TRDN: variants seen among roughly 807,000 people sequenced by gnomAD.
TRDN encodes the protein triadin in skeletal muscle.
TRDN carries 161 observed loss-of-function variants against 149.7 expected under a neutral mutation model. The ratio of observed to expected loss-of-function variants is 1.08; its 90% CI spans 0.95 to 1.23. TRDN has a LOEUF of 1.23. TRDN is among the 50% of genes most tolerant of loss of function. The pLI is 0.00. For synonymous variants in TRDN, 294 were observed against 250.5 expected, an observed-to-expected ratio of 1.17 and a Z score of -1.64; for missense variants, 896 against 823.5, an observed-to-expected ratio of 1.09 and a Z score of -1.08.
chr6:123,322,816 T>G (rs372545917), intron 23 of TRDN, among the ~76,000 whole-genome samples: 6 of 151,900 alleles, frequency 3.9e-5, no homozygotes, highest in African/African-American at 1.4e-4. Context: ...AATTTTTGTA[T>G]TTTTAGTAGA....
At chr6:123,519,489 TTTA>T (rs373168666) in intron 5 of TRDN, among the ~76,000 whole-genome samples, 30,177 of 103,414 alleles carry the variant, frequency 0.29, 3,651 homozygotes, top group East Asian at 0.63. Flanking sequence ...TTTTTTTTTT[TTTA>T]AACAGGGAAA....
rs369198088 is a variant in TRDN at position 123,393,624 on chromosome 6, C to A, written c.1105G>T (p.Ala369Ser). Residue 369 changes from alanine to serine, a missense_variant and splice_region_variant, in exon 13 of 41, where the codon GCA becomes TCA. Ala to Ser is a moderately conservative substitution (Grantham distance 99, BLOSUM62 1). Coordinates refer to ENST00000334268, the MANE Select transcript of TRDN (RefSeq NM_006073.4). ...CTTTTTAAAGTGTTTTATTGCTTAC[C>A]TTGTGCTGCAATTTTTACAGTCCCT... ...KQGTVKIAAQ[A>S]AAKKDEKKED... 6.2e-7 allele frequency: 1 copy of A among 1,602,296 alleles called. No homozygotes were observed. The highest frequency in any genetic ancestry group is 8.5e-7 in the Non-Finnish European group (1 of 1,173,472).
chr6:123,277,926 GA>G (rs2114625232), intron 26 of TRDN, among the ~76,000 whole-genome samples: 1 of 152,228 alleles, frequency 6.6e-6, no homozygotes, highest in South Asian at 2.1e-4. Context: ...GTGTTCTTTT[GA>G]AAAAGTTTCT....
Position 123,257,334 on chromosome 6 carries a change from T to C in TRDN, c.1871-1432A>G, listed in dbSNP as rs893990963. On this transcript the variant is annotated intron_variant, in intron 35 of 40. Transcript: ENST00000334268. ...TTTTGTATAAGGCATAAGGAAGGTG[T>C]CCAGTTTCTGTTTTCTGCATATGGC... Among the ~76,000 whole-genome samples, 19 of 152,270 alleles carry C rather than the reference T, an allele frequency of 1.2e-4. 1 individual carries two copies. Among genetic ancestry groups the C allele is most frequent in the Middle Eastern group, 3.4e-3 (1 of 294 alleles).
rs377580390 is a variant in TRDN at position 123,373,875 on chromosome 6, T to C, written c.1273+1730A>G. The stretch of plus-strand genomic sequence containing the variant: ...TATGGATAATTTAAAGGCTTTTCAA[T>C]GGTATCTATAATGATATGTAATTTT... On this transcript the variant is annotated intron_variant, in intron 19 of 40. Coordinates refer to ENST00000334268, the MANE Select transcript of TRDN (RefSeq NM_006073.4). 2.0e-5 allele frequency among the ~76,000 whole-genome samples: 3 copies of C among 152,300 alleles called. No individual in the cohort carries two copies. In the East Asian group the frequency reaches 5.8e-4, roughly 29 times the overall value.
At chr6:123,586,085 G>T (rs1219239408) in intron 1 of TRDN, among the ~76,000 whole-genome samples, 8 of 152,146 alleles carry the variant, frequency 5.3e-5, no homozygotes, top group African/African-American at 1.9e-4. Context: ...CATGAACTGG[G>T]CTGGGTTTTT....
At chr6:123,498,677 G>A (rs1406502591) in intron 8 of TRDN, 1 of 461,640 alleles carries the variant, frequency 2.2e-6, no homozygotes. Context: ...GGTTAAGGTA[G>A]AAGGTATTTT....
rs1458649077 is a variant in TRDN, at chr6:123,351,963, C to T, written c.1369+576G>A. ...CTGGAGTGATCTATTTATGATATAA[C>T]TACATAAATACAAATAAAATGCATT... On this transcript the variant is annotated intron_variant, in intron 21 of 40. Transcript: ENST00000334268. The T allele has an allele frequency of 6.2e-6, 6 of 970,726 alleles. No individual in the cohort carries two copies. The African/African-American group carries it at 7.0e-5, about 11-fold the overall frequency. 60.1% of individuals were successfully genotyped at this position (970,726 alleles called of 1,614,324 possible). A position where few individuals can be genotyped will look rare whatever the true frequency, so the allele number is the denominator to read the frequency against.
At chr6:123,280,625 T>C (rs2114630553) in intron 24 of TRDN, among the ~76,000 whole-genome samples, 1 of 150,280 alleles carries the variant, frequency 6.7e-6, no homozygotes, top group Non-Finnish European at 1.5e-5. Flanking sequence ...CCCTCACTAT[T>C]TTCTTTTTGT....
At chr6:123,575,175 A>G (rs977591294) in intron 1 of TRDN, among the ~76,000 whole-genome samples, 32 of 151,860 alleles carry the variant, frequency 2.1e-4, no homozygotes, top group African/African-American at 7.0e-4. Flanking sequence ...GATACTGAAA[A>G]TATGTTCTGA....
intron 12 of TRDN, among the ~76,000 whole-genome samples, chr6:123,402,319 G>C (rs1167479046): frequency 6.6e-6 from 1 of 152,130 alleles, no homozygotes; most frequent in East Asian, 1.9e-4. Flanking sequence ...GTCCAAATAA[G>C]GCAAATGTCT....
intron 5 of TRDN, among the ~76,000 whole-genome samples, chr6:123,527,584 A>G (rs1225319257): frequency 6.6e-6 from 1 of 151,898 alleles, no homozygotes; most frequent in African/African-American, 2.4e-5. Context: ...TTGGTACTCA[A>G]AACTACTCCA....
At position 123,218,739 on chromosome 6, in the gene TRDN, A is replaced by G. The variant is rs1431121183; in HGVS notation, c.2052T>C (p.Ser684=). Residue 684 remains serine, a splice_region_variant and synonymous_variant, in exon 41 of 41, where the codon AGT becomes AGC. Transcript: ENST00000334268. The stretch of plus-strand genomic sequence containing the variant: ...AGACACACTGGAAGAAACTGATGGG[A>G]CCTAAGGAACAGAGCATGACAGTTT... ...TEDVSPTKQK[S]PISFFQCVYL... The G allele has an allele frequency of 6.4e-7, 1 of 1,565,364 alleles. No individual in the cohort carries two copies. Among genetic ancestry groups the G allele is most frequent in the Admixed American group, 1.9e-5 (1 of 51,988 alleles).
At chr6:123,543,767 C>T (rs1193855209) in intron 4 of TRDN, among the ~76,000 whole-genome samples, 1 of 152,016 alleles carries the variant, frequency 6.6e-6, no homozygotes, top group East Asian at 1.9e-4. Flanking sequence ...GGACTCCAAA[C>T]ACTATAATAT....
In TRDN at chr6:123,636,753, C is replaced by A. The variant is rs1290195833; in HGVS notation, c.22+1G>T. The stretch of plus-strand genomic sequence containing the variant: ...ATACTATCGGAAAATGGTAGCAATA[C>A]CTTCAGCAGTGATCTCAGTCATGGT... On this transcript the variant is annotated splice_donor_variant, in intron 1 of 40. Coordinates refer to ENST00000334268, the MANE Select transcript of TRDN (RefSeq NM_006073.4). LOFTEE classifies it high-confidence loss of function. 1.9e-6 allele frequency: 3 copies of A among 1,611,366 alleles called. No homozygotes were observed. Among genetic ancestry groups the A allele is most frequent in the Non-Finnish European group, 1.7e-6 (2 of 1,178,324 alleles).
chr6:123,524,440 C>T (rs943568380), intron 5 of TRDN, among the ~76,000 whole-genome samples: 1 of 152,086 alleles, frequency 6.6e-6, no homozygotes, highest in Non-Finnish European at 1.5e-5. Context: ...AGGGATTATC[C>T]AATTAAGAAA....
At chr6:123,498,018 C>G (rs890359341) in intron 8 of TRDN, among the ~76,000 whole-genome samples, 1 of 152,046 alleles carries the variant, frequency 6.6e-6, no homozygotes, top group African/African-American at 2.4e-5. Context: ...AGACATTGCA[C>G]TTAACTTTAA....
Position 123,247,961 on chromosome 6 carries a change from T to A in TRDN, c.1975+4451A>T, listed in dbSNP as rs529558065. 9.2e-5 allele frequency among the ~76,000 whole-genome samples: 14 copies of A among 152,184 alleles called. No individual in the cohort carries two copies. The East Asian group carries it at 2.5e-3, about 27-fold the overall frequency. On this transcript the variant is annotated intron_variant, in intron 38 of 40. Coordinates refer to ENST00000334268, the MANE Select transcript of TRDN (RefSeq NM_006073.4). Reference sequence around the variant, plus strand: ...ATAACACCACACATCTACAACCACCTGATCTTTGACAGACCTGACAAAAAC... The same window carrying A: ...ATAACACCACACATCTACAACCACCAGATCTTTGACAGACCTGACAAAAAC...
At chr6:123,249,927 T>A (rs1776316790) in intron 38 of TRDN, among the ~76,000 whole-genome samples, 1 of 152,122 alleles carries the variant, frequency 6.6e-6, no homozygotes, top group Admixed American at 6.6e-5. Context: ...TTGCTGATGA[T>A]ACGATCTTAT....
Sources: allele counts gnomAD v4.1 joint callset (sites outside exome capture counted in the v4.1 genomes callset), GRCh38; gene constraint gnomAD v4.1.1; transcripts MANE v1.5; gene names NCBI Gene and HGNC (gene_info 2026-07-23, HGNC 2026-07-21).